Variants in SLC4A5 observed in about 807,000 individuals in gnomAD.
The protein encoded by SLC4A5 is solute carrier family 4 member 5, also known as electrogenic sodium bicarbonate cotransporter 4.
In SLC4A5, 96 loss-of-function variants were observed where a neutral mutation model predicts 120.4. The observed-to-expected ratio is 0.80, with a 90% CI of 0.68 to 0.94. The LOEUF (loss-of-function observed/expected upper bound fraction) is 0.94, where lower values mean the gene tolerates loss of function less well. SLC4A5 is among the 40% of genes least tolerant of loss of function. The pLI is 0.00. For missense variants in SLC4A5, 1,259 were observed against 1,459.5 expected (o/e 0.86, Z 2.24); for synonymous variants, 550 against 571.1 (o/e 0.96, Z 0.53).
chr2:74,236,095 C>A (rs760194312), intron 21 of SLC4A5, among the ~76,000 whole-genome samples: 7 of 152,146 alleles, frequency 4.6e-5, no homozygotes, highest in Non-Finnish European at 1.0e-4. Flanking sequence ...TGAGGAAAAG[C>A]AAAGTCTCCC....
chr2:74,239,520 G>A (rs912241455), exon 21 of SLC4A5: 1 of 1,613,958 alleles, frequency 6.2e-7, no homozygotes, highest in Non-Finnish European at 8.5e-7. Context: ...AACGCTGTGA[G>A]GTTAAGGAGG....
chr2:74,256,644 A>G (rs1670973375), intron 12 of SLC4A5, among the ~76,000 whole-genome samples: 1 of 152,214 alleles, frequency 6.6e-6, no homozygotes, highest in African/African-American at 2.4e-5. Flanking sequence ...ACTGGAGACA[A>G]GCCCTCCACC....
At chr2:74,321,407 C>T (rs914281525) in intron 5 of SLC4A5, among the ~76,000 whole-genome samples, 1 of 152,140 alleles carries the variant, frequency 6.6e-6, no homozygotes, top group Non-Finnish European at 1.5e-5. Flanking sequence ...CTTCTTCCTT[C>T]CTGGATAGAG....
intron 8 of SLC4A5, among the ~76,000 whole-genome samples, chr2:74,268,571 G>C (rs1671377384): frequency 6.6e-6 from 1 of 152,204 alleles, no homozygotes. Flanking sequence ...AAGGCTGGTT[G>C]GAACATCCTT....
At chr2:74,305,009 T>A (rs1665805052) in intron 6 of SLC4A5, among the ~76,000 whole-genome samples, 1 of 152,222 alleles carries the variant, frequency 6.6e-6, no homozygotes, top group South Asian at 2.1e-4. Flanking sequence ...CCTCAGTGGG[T>A]CACAGATGTA....
chr2:74,306,840 C>T, intron 6 of SLC4A5: 2 of 653,166 alleles, frequency 3.1e-6, no homozygotes, highest in South Asian at 1.4e-5. Context: ...CAGGGCATCA[C>T]CAAGATTGAA....
At chr2:74,246,912 T>C in intron 19 of SLC4A5, 124 bp downstream of exon 19, 8 of 1,286,768 alleles carry the variant, frequency 6.2e-6, no homozygotes, top group South Asian at 2.8e-5. Flanking sequence ...ATTTGCTCTC[T>C]TGGAACTGTA....
At chr2:74,249,120 C>A (rs1173571539) in intron 17 of SLC4A5, among the ~76,000 whole-genome samples, 1 of 152,128 alleles carries the variant, frequency 6.6e-6, no homozygotes, top group Non-Finnish European at 1.5e-5. Flanking sequence ...CAGTAGGAAC[C>A]CTCCTCCCAG....
intron 14 of SLC4A5, 84 bp downstream of exon 14, chr2:74,254,535 G>T: frequency 9.4e-7 from 1 of 1,060,322 alleles, no homozygotes; most frequent in Non-Finnish European, 1.5e-6. Flanking sequence ...AAATGTGCTG[G>T]CTGGATAAGT....
At chr2:74,226,076 A>G (rs565057232) in intron 27 of SLC4A5, among the ~76,000 whole-genome samples, 242 of 152,340 alleles carry the variant, frequency 1.6e-3, no homozygotes, top group African/African-American at 5.5e-3. Context: ...GGGGGTTCTC[A>G]ACCCTGGCTG....
At chr2:74,274,610 C>A (rs1671581577) in intron 8 of SLC4A5, among the ~76,000 whole-genome samples, 1 of 152,182 alleles carries the variant, frequency 6.6e-6, no homozygotes, top group African/African-American at 2.4e-5. Context: ...TCACAGGCCT[C>A]TTGGGGCACC....
intron 6 of SLC4A5, among the ~76,000 whole-genome samples, chr2:74,312,229 A>ATGTGTG (rs1184650717): frequency 2.0e-5 from 3 of 149,912 alleles, no homozygotes; most frequent in African/African-American, 7.4e-5. Flanking sequence ...ATATCTCTAT[A>ATGTGTG]TGTGTGTGTG....
chr2:74,239,651 A>C lies in SLC4A5; in HGVS notation c.2119-116T>G, dbSNP rs554796290. On this transcript the variant is annotated intron_variant, in intron 20 of 30. Coordinates refer to ENST00000394019, the Ensembl canonical transcript of SLC4A5. Reference sequence around the variant, plus strand: ...ACCTTCCCACCCTCTGAGGGACCCCAGCCCCCCAGAGTGATGTTCCTGGGG... The same window carrying C: ...ACCTTCCCACCCTCTGAGGGACCCCCGCCCCCCAGAGTGATGTTCCTGGGG... 2.5e-5 allele frequency: 23 copies of C among 936,592 alleles called. No homozygotes were observed. The South Asian group carries it at 3.4e-4, about 14-fold the overall frequency. The allele number at this position is 936,592 out of a possible 1,614,324, so 58.0% of individuals were successfully genotyped here.
chr2:74,252,780 A>C (rs752078189), intron 15 of SLC4A5, among the ~76,000 whole-genome samples, 194 bp downstream of exon 15: 40 of 151,956 alleles, frequency 2.6e-4, no homozygotes, highest in Non-Finnish European at 5.0e-4. Flanking sequence ...TAGAGACAAG[A>C]TCTCACTATG....
intron 10 of SLC4A5, among the ~76,000 whole-genome samples, chr2:74,263,562 C>A (rs1461322562): frequency 6.6e-6 from 1 of 152,110 alleles, no homozygotes; most frequent in South Asian, 2.1e-4. Context: ...ATGCAACAAG[C>A]CACTCTCTCT....
chr2:74,254,602 T>C lies in SLC4A5; in HGVS notation c.1113+17A>G. The C allele has an allele frequency of 6.2e-7, 1 of 1,607,516 alleles. No homozygotes were observed. Among genetic ancestry groups the C allele is most frequent in the Non-Finnish European group, 8.5e-7 (1 of 1,174,038 alleles). ...AGCTGTAAAATTCAGGAGTACAAGC[T>C]TCTGGTTACCACTTACATCATCTAC... On this transcript the variant is annotated intron_variant, in intron 14 of 30. Coordinates refer to ENST00000394019, the Ensembl canonical transcript of SLC4A5.
At chr2:74,246,905 T>C in intron 19 of SLC4A5, 131 bp downstream of exon 19, 1 of 1,197,228 alleles carries the variant, frequency 8.4e-7, no homozygotes, top group Non-Finnish European at 1.2e-6. Flanking sequence ...ACCCTGTATT[T>C]GCTCTCTTGG....
At chr2:74,293,200 T>C (rs1672227650) in intron 7 of SLC4A5, among the ~76,000 whole-genome samples, 1 of 152,168 alleles carries the variant, frequency 6.6e-6, no homozygotes, top group Non-Finnish European at 1.5e-5. Context: ...CCCTGAGTCC[T>C]AGTTTCATGG....
At chr2:74,308,115 C>G in intron 6 of SLC4A5, 1 of 373,546 alleles carries the variant, frequency 2.7e-6, no homozygotes, top group East Asian at 7.1e-5. Context: ...GTAGTTTGTT[C>G]ATCCATTCTC....
Sources: allele counts gnomAD v4.1 joint callset (sites outside exome capture counted in the v4.1 genomes callset), GRCh38; gene constraint gnomAD v4.1.1; transcripts MANE v1.5; gene names NCBI Gene and HGNC (gene_info 2026-07-23, HGNC 2026-07-21).